HNF4G: variants seen among roughly 807,000 people sequenced by gnomAD.
HNF4G encodes hepatocyte nuclear factor 4 gamma.
Under a neutral mutation model 50.9 loss-of-function variants are expected in HNF4G, and 21 were observed. The ratio of observed to expected loss-of-function variants is 0.41; its 90% confidence interval spans 0.29 to 0.59. HNF4G has a LOEUF of 0.59. HNF4G is among the 20% of genes least tolerant of loss of function. HNF4G has a pLI of 0.26. For missense variants in HNF4G, 527 were observed against 559.4 expected, an observed-to-expected ratio of 0.94 and a Z score of 0.58; for synonymous variants, 198 against 185.6, an observed-to-expected ratio of 1.07 and a Z score of -0.54.
chr8:75,539,489 C>T (rs996114964), upstream of HNF4G, among the ~76,000 whole-genome samples: 1 of 152,124 alleles, frequency 6.6e-6, no homozygotes, highest in African/African-American at 2.4e-5. Context: ...GAAATGTTAA[C>T]TTACAGACTT....
intron 1 of HNF4G, among the ~76,000 whole-genome samples, chr8:75,408,748 G>C (rs774762411): frequency 6.6e-6 from 1 of 152,192 alleles, no homozygotes; most frequent in Non-Finnish European, 1.5e-5. Context: ...GCTCGGAACT[G>C]AGTCAAAGCA....
At chr8:75,551,547 G>A in intron 4 of HNF4G, 53 bp downstream of exon 4, 4 of 1,026,086 alleles carry the variant, frequency 3.9e-6, no homozygotes, top group Middle Eastern at 2.0e-4. Context: ...AAATGTCCAT[G>A]TAGGCATCAT....
chr8:75,522,125 C>G (rs1171527536), intron 2 of HNF4G, among the ~76,000 whole-genome samples: 1 of 152,168 alleles, frequency 6.6e-6, no homozygotes, highest in Non-Finnish European at 1.5e-5. Flanking sequence ...CAATGAATGA[C>G]AAAAGCTGTA....
At chr8:75,515,282 T>C (rs1805859935) in intron 2 of HNF4G, among the ~76,000 whole-genome samples, 1 of 152,228 alleles carries the variant, frequency 6.6e-6, no homozygotes, top group Non-Finnish European at 1.5e-5. Flanking sequence ...TCCTGTAGTT[T>C]CTTCAGTTTT....
In HNF4G at chr8:75,412,491, T is replaced by A. The variant is rs1585818873; in HGVS notation, c.-144+4329T>A. Among the ~76,000 whole-genome samples, 5 of 152,218 alleles carry A rather than the reference T, an allele frequency of 3.3e-5. No homozygotes were observed. In the East Asian group the frequency reaches 9.6e-4, roughly 29 times the overall value. The stretch of plus-strand genomic sequence containing the variant: ...CTATTTCAGTATAGAAGAATCATAT[T>A]TATAAAGGATAACAAAAAAATTGAC... On this transcript the variant is annotated intron_variant, in intron 1 of 10. Coordinates refer to the HNF4G transcript ENST00000354370.
chr8:75,520,828 T>C (rs1374036191), intron 2 of HNF4G, among the ~76,000 whole-genome samples: 1 of 152,154 alleles, frequency 6.6e-6, no homozygotes, highest in African/African-American at 2.4e-5. Flanking sequence ...CAAATAGCTC[T>C]TCTTGCTTAT....
At chr8:75,432,401 C>T (rs1436248995) in intron 1 of HNF4G, among the ~76,000 whole-genome samples, 2 of 152,232 alleles carry the variant, frequency 1.3e-5, no homozygotes, top group African/African-American at 4.8e-5. Flanking sequence ...ACTGCAACCT[C>T]CACCTCCTGG....
intron 2 of HNF4G, among the ~76,000 whole-genome samples, chr8:75,509,569 T>C (rs1415176193): frequency 6.6e-6 from 1 of 152,238 alleles, no homozygotes; most frequent in Non-Finnish European, 1.5e-5. Flanking sequence ...AATGGAACTT[T>C]ATCTTCTGTC....
chr8:75,462,039 T>C (rs1455473398), intron 1 of HNF4G, among the ~76,000 whole-genome samples: 1 of 151,648 alleles, frequency 6.6e-6, no homozygotes, highest in Admixed American at 6.6e-5. Flanking sequence ...TGCCTCAGCC[T>C]CCCAAGTAGT....
intron 2 of HNF4G, among the ~76,000 whole-genome samples, chr8:75,511,925 T>C (rs1296495033): frequency 6.6e-6 from 1 of 152,218 alleles, no homozygotes. Flanking sequence ...GATTACTAAG[T>C]ACCCTAGTGT....
At chr8:75,457,127 G>A (rs1303706618) in intron 1 of HNF4G, among the ~76,000 whole-genome samples, 3 of 152,182 alleles carry the variant, frequency 2.0e-5, no homozygotes, top group African/African-American at 7.2e-5. Flanking sequence ...AATTGATTCA[G>A]TCATTTACCA....
chr8:75,518,547 C>T (rs1805954594), intron 2 of HNF4G, among the ~76,000 whole-genome samples: 1 of 152,104 alleles, frequency 6.6e-6, no homozygotes, highest in South Asian at 2.1e-4. Flanking sequence ...TTTATTGCGG[C>T]ACTAAACCTC....
chr8:75,413,856 A>G (rs1357257750), intron 1 of HNF4G, among the ~76,000 whole-genome samples: 1 of 142,112 alleles, frequency 7.0e-6, no homozygotes, highest in Non-Finnish European at 1.6e-5. Flanking sequence ...GACTTTGTCT[A>G]AAAGATTTAA....
chr8:75,435,763 T>G (rs1331700929), intron 1 of HNF4G, among the ~76,000 whole-genome samples: 1 of 151,918 alleles, frequency 6.6e-6, no homozygotes, highest in East Asian at 1.9e-4. Flanking sequence ...CCAGCTAATT[T>G]TTGTATTTTT....
chr8:75,469,739 C>T (rs1401261480), intron 1 of HNF4G, among the ~76,000 whole-genome samples: 1 of 152,090 alleles, frequency 6.6e-6, no homozygotes, highest in East Asian at 1.9e-4. Flanking sequence ...CATCAAATCT[C>T]CCCAGGTTAT....
At chr8:75,505,830 A>G (rs899522609) in intron 2 of HNF4G, among the ~76,000 whole-genome samples, 3 of 152,112 alleles carry the variant, frequency 2.0e-5, no homozygotes, top group Non-Finnish European at 4.4e-5. Flanking sequence ...TTTTGTAGAG[A>G]CACAAACTCT....
At position 75,540,851 on chromosome 8, in the gene HNF4G, A is replaced by ATGTGTGTGTGTGTG. The variant is rs56799230; in HGVS notation, c.118+789_118+802dup. On this transcript the variant is annotated intron_variant, in intron 1 of 9. Transcript: ENST00000396423. ...ATTATGTATACTTTGGAAAATGTGT[A>ATGTGTGTGTGTGTG]TGTGTGTGTGTGTGTGTGTGTGTGT... 9.2e-3 allele frequency among the ~76,000 whole-genome samples: 1,352 copies of ATGTGTGTGTGTGTG among 146,454 alleles called. 18 individuals carry two copies. The highest frequency in any genetic ancestry group is 0.027 in the African/African-American group (1,056 of 39,796).
chr8:75,534,614 T>C (rs1340003570), intron 2 of HNF4G, among the ~76,000 whole-genome samples: 1 of 151,912 alleles, frequency 6.6e-6, no homozygotes, highest in Non-Finnish European at 1.5e-5. Flanking sequence ...ATATAAATAG[T>C]TCAGGTAAAC....
rs768717957 is a variant in HNF4G, at chr8:75,547,637, A to G, written c.338A>G (p.Tyr113Cys). Residue 113 changes from tyrosine to cysteine, a missense_variant, in exon 3 of 10, where the codon TAT becomes TGT. Coordinates refer to ENST00000396423, the MANE Select transcript of HNF4G (RefSeq NM_004133.5). ...AAGGACAAAAGGAATCAATGTAGATATTGTCGATTAAGAAAGTGTTTTAGA... is the reference window on the plus strand; with the variant it reads ...AAGGACAAAAGGAATCAATGTAGATGTTGTCGATTAAGAAAGTGTTTTAGA... ...VDKDKRNQCR[Y>C]CRLRKCFRAG... 8 of 1,611,756 alleles carry G rather than the reference A, an allele frequency of 5.0e-6. No individual in the cohort carries two copies. The highest frequency in any genetic ancestry group is 1.7e-6 in the Non-Finnish European group (2 of 1,178,092).
Sources: allele counts gnomAD v4.1 joint callset (sites outside exome capture counted in the v4.1 genomes callset), GRCh38; gene constraint gnomAD v4.1.1; transcripts MANE v1.5; gene names NCBI Gene and HGNC (gene_info 2026-07-23, HGNC 2026-07-21).